IKZF2: variants seen among roughly 807,000 people sequenced by gnomAD.
IKZF2 encodes the protein zinc finger protein Helios.
In IKZF2, 15 loss-of-function variants were observed where a neutral mutation model predicts 49.2. The ratio of observed to expected loss-of-function variants is 0.30; its 90% confidence interval spans 0.20 to 0.47. The LOEUF is 0.47. Ranked by LOEUF, IKZF2 falls within the 20% of genes least tolerant of loss-of-function variation. The probability of loss-of-function intolerance (pLI) is 1.00; values close to 1 mark genes in which losing one functional copy is unlikely to be tolerated. For synonymous variants in IKZF2, 227 were observed against 221.4 expected, an observed-to-expected ratio of 1.03 and a Z score of -0.23; for missense variants, 567 against 664.6, an observed-to-expected ratio of 0.85 and a Z score of 1.61.
intron 4 of IKZF2, among the ~76,000 whole-genome samples, chr2:213,113,111 A>G (rs1241097876): frequency 1.3e-5 from 2 of 152,230 alleles, no homozygotes; most frequent in Non-Finnish European, 2.9e-5. Flanking sequence ...TGTTTTTTAA[A>G]GTGAATCTGA....
chr2:213,097,945 ATT>A (rs1205826143), intron 4 of IKZF2: 1 of 304,200 alleles, frequency 3.3e-6, no homozygotes, highest in African/African-American at 2.2e-5. Context: ...CTAATTCTAT[ATT>A]TTTGAAAAAG....
rs987437991 is a variant in IKZF2, at chr2:213,006,518, GTCCC to G, written c.*838_*841del. On this transcript the variant is annotated 3_prime_UTR_variant, in exon 9 of 9. Transcript: ENST00000434687. ...CTCAAACAAATTTATGAAAGTAGAA[GTCCC>G]TCCCAGAAATTATTGACTGCCTTTT... 6.6e-6 allele frequency: 1 copy of G among 152,384 alleles called. No homozygotes were observed. The allele number at this position is 152,384 out of a possible 1,614,324, so 9.4% of individuals were successfully genotyped here. A position where few individuals can be genotyped will look rare whatever the true frequency, so the allele number is the denominator to read the frequency against.
At chr2:213,150,451 ACCC>A in intron 1 of IKZF2, 1 of 133,682 alleles carries the variant, frequency 7.5e-6, no homozygotes, top group African/African-American at 3.1e-5. Context: ...AGAGAAGAAC[ACCC>A]CCCTCCTCCT....
At chr2:213,064,976 T>C (rs1401277710) in intron 4 of IKZF2, among the ~76,000 whole-genome samples, 1 of 152,056 alleles carries the variant, frequency 6.6e-6, no homozygotes. Context: ...TACAAAGGTA[T>C]TGGTATGGAA....
At chr2:213,021,670 A>G (rs1422374309) in intron 7 of IKZF2, 6 of 447,534 alleles carry the variant, frequency 1.3e-5, no homozygotes, top group South Asian at 6.8e-5. Flanking sequence ...CAAATAACCA[A>G]TTCATTCTTT....
chr2:213,049,982 T>C, intron 5 of IKZF2, 102 bp from the exon 6 acceptor site: 1 of 747,874 alleles, frequency 1.3e-6, no homozygotes, highest in South Asian at 4.3e-5. Context: ...GCTAAAAATG[T>C]TCATCTCCCT....
intron 6 of IKZF2, among the ~76,000 whole-genome samples, chr2:213,030,193 T>C (rs1020390666): frequency 2.0e-5 from 3 of 152,176 alleles, no homozygotes; most frequent in African/African-American, 7.2e-5. Flanking sequence ...TTTCCCACGT[T>C]GTGATTTCTT....
At chr2:213,078,949 A>G (rs1044061286) in intron 4 of IKZF2, among the ~76,000 whole-genome samples, 2 of 152,236 alleles carry the variant, frequency 1.3e-5, no homozygotes, top group African/African-American at 4.8e-5. Flanking sequence ...TCAGGTTGAT[A>G]TGACAGTAGT....
chr2:213,081,310 A>G (rs2125569588), intron 4 of IKZF2: 2 of 154,574 alleles, frequency 1.3e-5, no homozygotes, highest in East Asian at 1.9e-4. Flanking sequence ...TCATTAGTAG[A>G]TTCAATTAAA....
chr2:213,054,880 C>T (rs1049445126), intron 5 of IKZF2, among the ~76,000 whole-genome samples: 4 of 152,002 alleles, frequency 2.6e-5, no homozygotes, highest in African/African-American at 7.2e-5. Flanking sequence ...TTCAACTCTA[C>T]CACACTAGTA....
intron 4 of IKZF2, among the ~76,000 whole-genome samples, chr2:213,107,895 T>G (rs140826315): frequency 1.1e-4 from 17 of 152,284 alleles, no homozygotes; most frequent in African/African-American, 3.1e-4. Flanking sequence ...GTAGGTTAGT[T>G]TTCATATCTC....
intron 6 of IKZF2, among the ~76,000 whole-genome samples, chr2:213,046,074 A>C (rs1184827721): frequency 6.8e-6 from 1 of 147,702 alleles, no homozygotes; most frequent in African/African-American, 2.5e-5. Flanking sequence ...TAGTAAAGAC[A>C]TGCAGTTTTC....
rs777333450 is a variant in IKZF2 at position 213,013,812 on chromosome 2, A to G, written c.835T>C (p.Ser279Pro). 2 of 1,610,722 alleles carry G rather than the reference A, an allele frequency of 1.2e-6. No individual in the cohort carries two copies. The highest frequency in any genetic ancestry group is 1.7e-6 in the Non-Finnish European group (2 of 1,178,102). ...LTGNMGKRKS[S>P]TPQKFVGEKL... ...TTACCCACAAACTTTTGTGGAGTGG[A>G]GCTTTTACGTTTTCCCATATTCCCC... Residue 279 changes from serine to proline, a missense_variant, in exon 8 of 9, where the codon TCC (serine) becomes CCC (proline). By Grantham distance (74) the Ser-to-Pro change is moderately conservative. This residue lies in a region of IKZF2 where 310 missense variants were observed against 326.9 expected (regional missense o/e 0.95). Transcript: ENST00000434687.
At chr2:213,097,870 T>A (rs1040364624) in intron 4 of IKZF2, 2 of 177,082 alleles carry the variant, frequency 1.1e-5, no homozygotes, top group African/African-American at 4.7e-5. Context: ...TTGTCAAACA[T>A]CCTTACCTTA....
intron 4 of IKZF2, among the ~76,000 whole-genome samples, chr2:213,135,414 T>C (rs927853222): frequency 2.0e-5 from 3 of 152,146 alleles, no homozygotes; most frequent in Admixed American, 6.5e-5. Flanking sequence ...TAGCCAAGTG[T>C]GGTGGCTCAC....
chr2:213,063,861 C>T (rs930615653), intron 4 of IKZF2, among the ~76,000 whole-genome samples: 1 of 151,978 alleles, frequency 6.6e-6, no homozygotes, highest in Non-Finnish European at 1.5e-5. Context: ...CATAGGCAAA[C>T]AGTTCTTACG....
rs147563053 is a variant in IKZF2, at chr2:213,013,810, G to A, written c.837C>T (p.Ser279=). The change falls in exon 8 of 9, where the codon TCC becomes TCT. Residue 279 remains serine (S), a synonymous_variant. Transcript: ENST00000434687. ...GCTTACCCACAAACTTTTGTGGAGT[G>A]GAGCTTTTACGTTTTCCCATATTCC... ...LTGNMGKRKS[S]TPQKFVGEKL... is the part of the protein sequence containing the mutation. The A allele has an allele frequency of 8.0e-5, 129 of 1,610,490 alleles. No homozygotes were observed. Among genetic ancestry groups the A allele is most frequent in the Non-Finnish European group, 1.7e-5 (20 of 1,178,016 alleles).
rs910053360 is a variant in IKZF2 at position 213,049,003 on chromosome 2, A to G, written c.574+710T>C. On this transcript the variant is annotated intron_variant, in intron 6 of 8. Coordinates refer to ENST00000434687, the MANE Select transcript of IKZF2 (RefSeq NM_001387220.1). ...TTCTTGGTTATGAAAATTTATGCTA[A>G]AAGTCAAATGAGATTCATTTGGATT... Among the ~76,000 whole-genome samples, 9 of 152,210 alleles carry G rather than the reference A, an allele frequency of 5.9e-5. No individual in the cohort carries two copies. The East Asian group carries it at 1.7e-3, about 29-fold the overall frequency.
At chr2:213,052,935 T>C (rs1218520131) in intron 5 of IKZF2, among the ~76,000 whole-genome samples, 1 of 152,142 alleles carries the variant, frequency 6.6e-6, no homozygotes, top group Non-Finnish European at 1.5e-5. Context: ...AAAAACTCCA[T>C]ACTGTCTATG....
Sources: allele counts gnomAD v4.1 joint callset (sites outside exome capture counted in the v4.1 genomes callset), GRCh38; gene constraint gnomAD v4.1.1; regional missense constraint gnomAD v4.1.1; transcripts MANE v1.5; gene names NCBI Gene and HGNC (gene_info 2026-07-23, HGNC 2026-07-21).